KCTD5: variants seen among roughly 807,000 people sequenced by gnomAD.
KCTD5 encodes the protein potassium channel tetramerization domain containing 5, also known as BTB/POZ domain-containing protein KCTD5.
KCTD5 carries 12 observed loss-of-function variants against 27.9 expected under a neutral mutation model. That is an observed-to-expected ratio of 0.43 (90% CI 0.28 to 0.70). The LOEUF is 0.70. KCTD5 is among the 30% of genes least tolerant of loss of function. KCTD5 has a pLI of 0.19. For synonymous variants in KCTD5, 147 were observed against 121.4 expected, an observed-to-expected ratio of 1.21 and a Z score of -1.39; for missense variants, 226 against 274.8, an observed-to-expected ratio of 0.82 and a Z score of 1.26.
rs2067570194 is a variant in KCTD5 at position 2,692,353 on chromosome 16, G to A, written c.253-3582G>A. Among the ~76,000 whole-genome samples, 3 of 152,188 alleles carry A rather than the reference G, an allele frequency of 2.0e-5. No individual in the cohort carries two copies. The South Asian group carries it at 6.2e-4, about 32-fold the overall frequency. ...AAGCTTTACCAAGTGTTGGGACAGT[G>A]CAGAGGAGACTGTGGGGGCAGCTCC... On this transcript the variant is annotated intron_variant, in intron 1 of 5. Coordinates refer to ENST00000301738, the MANE Select transcript of KCTD5 (RefSeq NM_018992.4).
chr16:2,702,031 C>A (rs1211351663), intron 4 of KCTD5, among the ~76,000 whole-genome samples: 2 of 152,338 alleles, frequency 1.3e-5, no homozygotes, highest in Non-Finnish European at 2.9e-5. Flanking sequence ...CCGCTGCCCC[C>A]CTCCCTCCGC....
At chr16:2,704,548 C>G (rs1024800063) in intron 5 of KCTD5, among the ~76,000 whole-genome samples, 3 of 152,270 alleles carry the variant, frequency 2.0e-5, no homozygotes, top group Admixed American at 6.5e-5. Context: ...AGCGCTTAGA[C>G]TCAAGGCCGC....
intron 5 of KCTD5, among the ~76,000 whole-genome samples, chr16:2,706,041 T>C (rs1032896036): frequency 6.6e-6 from 1 of 152,088 alleles, no homozygotes; most frequent in Non-Finnish European, 1.5e-5. Flanking sequence ...CCAGTAAACT[T>C]GGGAATCACC....
Position 2,690,230 on chromosome 16 carries a change from G to T in KCTD5, c.253-5705G>T, listed in dbSNP as rs563177430. Among the ~76,000 whole-genome samples the T allele has an allele frequency of 2.0e-5, 3 of 152,260 alleles. No individual in the cohort carries two copies. The South Asian group carries it at 6.2e-4, about 31-fold the overall frequency. ...GGGCGAGCAGTCAGCTCTGTCTGCGGAGTCTTCCTCCGTCTGCCAGGGCTG... is the reference window on the plus strand; with the variant it reads ...GGGCGAGCAGTCAGCTCTGTCTGCGTAGTCTTCCTCCGTCTGCCAGGGCTG... On this transcript the variant is annotated intron_variant, in intron 1 of 5. Transcript: ENST00000301738.
rs1008375026 is a variant in KCTD5, at chr16:2,708,124, C to T, written c.*797C>T. On this transcript the variant is annotated 3_prime_UTR_variant, in exon 6 of 6. Transcript: ENST00000301738. Reference sequence around the variant, plus strand: ...CCTCGCCCCTCCCACTGCGGGCTCACGGGGAGCTGGCGTCTGTCAGTGCCT... The same window carrying T: ...CCTCGCCCCTCCCACTGCGGGCTCATGGGGAGCTGGCGTCTGTCAGTGCCT... 3.3e-5 allele frequency: 5 copies of T among 152,722 alleles called. No homozygotes were observed. The highest frequency in any genetic ancestry group is 9.6e-5 in the African/African-American group (4 of 41,462). The allele number at this position is 152,722 out of a possible 1,614,324, so 9.5% of individuals were successfully genotyped here.
intron 1 of KCTD5, among the ~76,000 whole-genome samples, chr16:2,688,851 A>ACACCCCTG (rs2067554375): frequency 1.1e-4 from 2 of 17,400 alleles, no homozygotes; most frequent in South Asian, 2.3e-3. Flanking sequence ...AAGAAACCTG[A>ACACCCCTG]CACCCCTGCT....
chr16:2,688,435 G>C (rs1023446439), intron 1 of KCTD5, among the ~76,000 whole-genome samples: 1 of 151,874 alleles, frequency 6.6e-6, no homozygotes, highest in African/African-American at 2.4e-5. Context: ...ATAGTCAGTA[G>C]AGAAGGGGTT....
At position 2,699,805 on chromosome 16, in the gene KCTD5, C is replaced by T; in HGVS notation, c.454-16C>T. ...CATGGGTGGCCCGCCCTTACCTGTGCCCATTGTCCTTGCAGGTGCCTGTGA... is the reference window on the plus strand; with the variant it reads ...CATGGGTGGCCCGCCCTTACCTGTGTCCATTGTCCTTGCAGGTGCCTGTGA... On this transcript the variant is annotated splice_polypyrimidine_tract_variant and intron_variant, in intron 3 of 5. Transcript: ENST00000301738. The T allele has an allele frequency of 1.2e-6, 2 of 1,611,454 alleles. No homozygotes were observed. Among genetic ancestry groups the T allele is most frequent in the Non-Finnish European group, 8.5e-7 (1 of 1,178,450 alleles).
chr16:2,707,612 A>C lies in KCTD5; in HGVS notation c.*285A>C. ...AGTGCCACGTGGGACTGAGGCAGAC[A>C]CTCCCAGTCAGCCCGCTCGATCCTG... On this transcript the variant is annotated 3_prime_UTR_variant, in exon 6 of 6. Transcript: ENST00000301738. 1 of 601,618 alleles carries C rather than the reference A, an allele frequency of 1.7e-6. No individual in the cohort carries two copies. Among genetic ancestry groups the C allele is most frequent in the Non-Finnish European group, 3.0e-6 (1 of 337,944 alleles). The allele number at this position is 601,618 out of a possible 1,614,324, so 37.3% of individuals were successfully genotyped here.
chr16:2,701,029 T>C (rs2067609591), intron 4 of KCTD5, among the ~76,000 whole-genome samples: 1 of 152,148 alleles, frequency 6.6e-6, no homozygotes, highest in Non-Finnish European at 1.5e-5. Flanking sequence ...TTGGTGGGGC[T>C]GGGGCCCTGG....
At chr16:2,699,718 A>G in intron 3 of KCTD5, 103 bp from the exon 4 acceptor site, 1 of 992,650 alleles carries the variant, frequency 1.0e-6, no homozygotes. Context: ...TGTGCTGAGA[A>G]CTGCAGAGTG....
rs3826244 is a variant in KCTD5, at chr16:2,704,727, G to A, written c.675+2249G>A. On this transcript the variant is annotated intron_variant, in intron 5 of 5. Coordinates refer to ENST00000301738, the MANE Select transcript of KCTD5 (RefSeq NM_018992.4). ...ATGGGTGCATCCACCGCCTGCCCCCGTGGCTGATCCCTCCTGTGACCCAGG... is the reference window on the plus strand; with the variant it reads ...ATGGGTGCATCCACCGCCTGCCCCCATGGCTGATCCCTCCTGTGACCCAGG... Among the ~76,000 whole-genome samples, 16 of 152,290 alleles carry A rather than the reference G, an allele frequency of 1.1e-4. No individual in the cohort carries two copies. The East Asian group carries it at 2.9e-3, about 28-fold the overall frequency.
chr16:2,708,207 AGGTCTGCGTCAC>A lies in KCTD5; in HGVS notation c.*884_*895del, dbSNP rs1253123599. The A allele has an allele frequency of 6.5e-6, 1 of 152,694 alleles. No homozygotes were observed. The highest frequency in any genetic ancestry group is 1.5e-5 in the Non-Finnish European group (1 of 68,062). The allele number at this position is 152,694 out of a possible 1,614,324, so 9.5% of individuals were successfully genotyped here. A position where few individuals can be genotyped will look rare whatever the true frequency, so the allele number is the denominator to read the frequency against. On this transcript the variant is annotated 3_prime_UTR_variant, in exon 6 of 6. Coordinates refer to ENST00000301738, the MANE Select transcript of KCTD5 (RefSeq NM_018992.4). ...CCTGTCCACTGGCTTCTGGAGCTGA[AGGTCTGCGTCAC>A]GGTGAAAATTCGGGATGTTTACAGA...
Position 2,704,000 on chromosome 16 carries a change from A to G in KCTD5, c.675+1522A>G, listed in dbSNP as rs79422985. On this transcript the variant is annotated intron_variant, in intron 5 of 5. Coordinates refer to ENST00000301738, the MANE Select transcript of KCTD5 (RefSeq NM_018992.4). ...TTAGAAGTTTTTTATTTCTGAGCTG[A>G]GTTTTTATAACCAAGCTCCCCTGGG... is the stretch of plus-strand genomic sequence containing the variant. Among the ~76,000 whole-genome samples, 617 of 152,264 alleles carry G rather than the reference A, an allele frequency of 4.1e-3. 5 individuals carry two copies. Among genetic ancestry groups the G allele is most frequent in the African/African-American group, 0.014 (599 of 41,542 alleles).
chr16:2,700,847 C>T lies in KCTD5; in HGVS notation c.549+931C>T, dbSNP rs149166119. ...GTCACTAAAAACATTTGTGTCCCAC[C>T]GTCCACCCTGGACCCCTAGGCCGGG... On this transcript the variant is annotated intron_variant, in intron 4 of 5. Transcript: ENST00000301738. 1.4e-4 allele frequency among the ~76,000 whole-genome samples: 21 copies of T among 151,982 alleles called. 1 individual carries two copies. In the South Asian group the frequency reaches 1.9e-3, roughly 14 times the overall value.
In KCTD5 at chr16:2,698,939, G is replaced by A. The variant is rs1025628757; in HGVS notation, c.454-882G>A. ...GCCTCAGTCTACCTACCTGTATGAC[G>A]CAGGTGGGCAGGAAATGGTGCAGGT... On this transcript the variant is annotated intron_variant, in intron 3 of 5. Transcript: ENST00000301738. Among the ~76,000 whole-genome samples, 4 of 152,326 alleles carry A rather than the reference G, an allele frequency of 2.6e-5. No homozygotes were observed. In the South Asian group the frequency reaches 6.2e-4, roughly 24 times the overall value.
intron 5 of KCTD5, among the ~76,000 whole-genome samples, chr16:2,703,847 G>A (rs1389642170): frequency 6.6e-6 from 1 of 152,166 alleles, no homozygotes. Context: ...GCTCGGAGAT[G>A]CTCTTCCATT....
intron 1 of KCTD5, chr16:2,684,324 C>G (rs4785900): frequency 0.21 from 32,667 of 152,040 alleles, 4,434 homozygotes; most frequent in Admixed American, 0.36. Context: ...TGGTTGATCC[C>G]TTTGCTTTAC....
Position 2,707,635 on chromosome 16 carries a change from C to A in KCTD5, c.*308C>A, listed in dbSNP as rs182293616. 9 of 597,356 alleles carry A rather than the reference C, an allele frequency of 1.5e-5. No homozygotes were observed. In the African/African-American group the frequency reaches 1.7e-4, roughly 11 times the overall value. 37.0% of individuals were successfully genotyped at this position (597,356 alleles called of 1,614,324 possible). A position where few individuals can be genotyped will look rare whatever the true frequency, so the allele number is the denominator to read the frequency against. ...ACACTCCCAGTCAGCCCGCTCGATCCTGAAGATCGTGTGAAGGAAGCGTTC... is the reference window on the plus strand; with the variant it reads ...ACACTCCCAGTCAGCCCGCTCGATCATGAAGATCGTGTGAAGGAAGCGTTC... On this transcript the variant is annotated 3_prime_UTR_variant, in exon 6 of 6. Transcript: ENST00000301738.
Sources: gnomAD v4.1 joint callset for allele counts (sites outside exome capture counted in the v4.1 genomes callset) on GRCh38, gnomAD v4.1.1 for gene constraint, MANE v1.5 for transcripts, NCBI Gene and HGNC (gene_info 2026-07-23, HGNC 2026-07-21) for gene names.